The following KCNG2 variants were observed in gnomAD, a reference collection of about 807,000 sequenced individuals.
KCNG2 encodes the protein potassium voltage-gated channel modifier subfamily G member 2.
A neutral mutation model predicts 12.3 loss-of-function variants in KCNG2; 7 were observed. The observed-to-expected ratio is 0.57, with a 90% CI of 0.32 to 1.07. KCNG2 has a LOEUF of 1.07. Among genes scored for constraint, KCNG2 ranks in the 50% least tolerant of loss-of-function variants. The probability of loss-of-function intolerance (pLI) is 0.04; values close to 1 mark genes in which losing one functional copy is unlikely to be tolerated. For synonymous variants in KCNG2, 414 were observed against 351.4 expected (o/e 1.18, Z -1.99); for missense variants, 703 against 726.0 (o/e 0.97, Z 0.36).
intron 1 of KCNG2, among the ~76,000 whole-genome samples, chr18:79,802,941 G>A (rs2087422502): frequency 6.6e-6 from 1 of 152,238 alleles, no homozygotes. Context: ...CATTTTGGGA[G>A]GCTGAGGCGG....
intron 1 of KCNG2, among the ~76,000 whole-genome samples, chr18:79,811,116 G>A (rs1011666995): frequency 2.0e-5 from 3 of 152,184 alleles, no homozygotes; most frequent in East Asian, 1.9e-4. Flanking sequence ...CCATGTTCAC[G>A]GATAGGAAGA....
intron 3 of KCNG2, among the ~76,000 whole-genome samples, chr18:79,882,832 G>T (rs1599427640): frequency 6.6e-6 from 1 of 151,676 alleles, no homozygotes; most frequent in East Asian, 2.0e-4. Flanking sequence ...GCGGAGGCCG[G>T]GTACACCTGC....
At chr18:79,850,677 CCT>C (rs1460607812) in intron 1 of KCNG2, among the ~76,000 whole-genome samples, 1 of 152,216 alleles carries the variant, frequency 6.6e-6, no homozygotes, top group African/African-American at 2.4e-5. Flanking sequence ...TGCGTTTTGG[CCT>C]CTCTGCCTTT....
At chr18:79,799,608 C>T (rs565819696) in intron 1 of KCNG2, among the ~76,000 whole-genome samples, 8 of 152,316 alleles carry the variant, frequency 5.3e-5, no homozygotes, top group South Asian at 2.1e-4. Context: ...AAGGCCAGTG[C>T]CAGTTGTTAG....
chr18:79,869,206 T>C (rs1382072308), intron 3 of KCNG2, among the ~76,000 whole-genome samples: 1 of 152,136 alleles, frequency 6.6e-6, no homozygotes, highest in Non-Finnish European at 1.5e-5. Flanking sequence ...TTGCTTTCAG[T>C]GCCCGCCCCG....
intron 3 of KCNG2, among the ~76,000 whole-genome samples, chr18:79,876,957 CGAA>C (rs1270615934): frequency 2.6e-5 from 4 of 152,210 alleles, no homozygotes; most frequent in Non-Finnish European, 5.9e-5. Context: ...TCTCCAGACA[CGAA>C]GGCACAAAAC....
In KCNG2 at chr18:79,846,000, A is replaced by AAAAT. The variant is rs563674192; in HGVS notation, c.-114-10379_-114-10378insAAAT. Among the ~76,000 whole-genome samples the AAAAT allele has an allele frequency of 1.1e-4, 16 of 151,416 alleles. No homozygotes were observed. The South Asian group carries it at 3.3e-3, about 32-fold the overall frequency. On this transcript the variant is annotated intron_variant, in intron 1 of 3. Coordinates refer to ENST00000316249, the MANE Select transcript of KCNG2 (RefSeq NM_012283.2). ...CAGCTACTCGGGAGGCTGAGGCAGG[A>AAAAT]GAATGGCGTGAACCCAGGAGGTGGA...
rs372917213 is a variant in KCNG2, at chr18:79,899,006, T to G, written c.625-34T>G. 1.8e-4 allele frequency: 257 copies of G among 1,458,938 alleles called. 1 individual carries two copies. In the African/African-American group the frequency reaches 2.0e-3, roughly 11 times the overall value. 90.4% of individuals were successfully genotyped at this position (1,458,938 alleles called of 1,614,324 possible). On this transcript the variant is annotated intron_variant, in intron 3 of 3. Transcript: ENST00000316249. The stretch of plus-strand genomic sequence containing the variant: ...GGCGCCCCCGGCCCTCCAAGAGGCC[T>G]GCGCCCCCAACCCCGTGTCCCCTCT...
chr18:79,837,946 T>C (rs1292144838), intron 1 of KCNG2, among the ~76,000 whole-genome samples: 1 of 152,140 alleles, frequency 6.6e-6, no homozygotes, highest in African/African-American at 2.4e-5. Context: ...AGAAAAAAGG[T>C]TTAATTGACC....
chr18:79,871,818 C>A (rs967256589), intron 3 of KCNG2, among the ~76,000 whole-genome samples: 2 of 152,254 alleles, frequency 1.3e-5, no homozygotes, highest in Admixed American at 1.3e-4. Context: ...CTGAGCAAAG[C>A]TGCGGCTGCT....
chr18:79,838,858 A>G (rs1210810076), intron 1 of KCNG2, among the ~76,000 whole-genome samples: 1 of 152,268 alleles, frequency 6.6e-6, no homozygotes, highest in Non-Finnish European at 1.5e-5. Context: ...GTACAATCTC[A>G]GGTCCCACCT....
At chr18:79,854,089 A>C (rs200770967) in intron 1 of KCNG2, among the ~76,000 whole-genome samples, 2 of 152,248 alleles carry the variant, frequency 1.3e-5, no homozygotes, top group East Asian at 3.8e-4. Flanking sequence ...CACTGGCTGC[A>C]CCTACAACTG....
chr18:79,881,543 C>T (rs1980296845), intron 3 of KCNG2, among the ~76,000 whole-genome samples: 1 of 152,234 alleles, frequency 6.6e-6, no homozygotes, highest in Non-Finnish European at 1.5e-5. Context: ...AGTCTCACAG[C>T]CTAGGTCCAG....
chr18:79,821,378 C>T (rs2087569292), intron 1 of KCNG2, among the ~76,000 whole-genome samples: 1 of 151,008 alleles, frequency 6.6e-6, no homozygotes, highest in South Asian at 2.1e-4. Context: ...CAACATCTGC[C>T]TCCCAGGTTC....
At chr18:79,835,752 A>G (rs1193916270) in intron 1 of KCNG2, among the ~76,000 whole-genome samples, 1 of 152,216 alleles carries the variant, frequency 6.6e-6, no homozygotes, top group Non-Finnish European at 1.5e-5. Flanking sequence ...AGGGATGTGT[A>G]AGACTATTAT....
chr18:79,872,020 C>A (rs553635930), intron 3 of KCNG2, among the ~76,000 whole-genome samples: 2 of 151,178 alleles, frequency 1.3e-5, no homozygotes, highest in Non-Finnish European at 2.9e-5. Context: ...CCTGCACGTG[C>A]GGCCGGCCGC....
chr18:79,815,608 C>T (rs2087522781), intron 1 of KCNG2, among the ~76,000 whole-genome samples: 1 of 152,224 alleles, frequency 6.6e-6, no homozygotes, highest in Non-Finnish European at 1.5e-5. Flanking sequence ...CGCTCTAGAG[C>T]CCTGCGCCCA....
In KCNG2 at chr18:79,897,148, A is replaced by C. The variant is rs137946129; in HGVS notation, c.625-1892A>C. Among the ~76,000 whole-genome samples, 495 of 150,798 alleles carry C rather than the reference A, an allele frequency of 3.3e-3. 3 individuals are homozygous for C. Among genetic ancestry groups the C allele is most frequent in the South Asian group, 0.019 (89 of 4,790 alleles). ...AAAAATTGTTTTTTTTTTCAGCATTATCTCTCTGCATAGTTTTTCTTTTCC... is the reference window on the plus strand; with the variant it reads ...AAAAATTGTTTTTTTTTTCAGCATTCTCTCTCTGCATAGTTTTTCTTTTCC... On this transcript the variant is annotated intron_variant, in intron 3 of 3. Coordinates refer to ENST00000316249, the MANE Select transcript of KCNG2 (RefSeq NM_012283.2).
chr18:79,899,384 G>C lies in KCNG2; in HGVS notation c.969G>C (p.Gly323=), dbSNP rs78824236. The C allele has an allele frequency of 5.1e-4, 792 of 1,565,140 alleles. 4 individuals are homozygous for C. In the African/African-American group the frequency reaches 8.4e-3, roughly 17 times the overall value. ...LTMRRCAREF[G]LLLLFLCVAM... is the part of the protein sequence containing the mutation. The stretch of plus-strand genomic sequence containing the variant: ...TGCGCCGCTGCGCGCGCGAGTTCGG[G>C]CTGCTGCTGCTGTTCCTCTGCGTGG... Residue 323 remains glycine (G), a synonymous_variant, in exon 4 of 4, where the codon GGG becomes GGC. Transcript: ENST00000316249.
Sources: allele counts gnomAD v4.1 joint callset (sites outside exome capture counted in the v4.1 genomes callset), GRCh38; gene constraint gnomAD v4.1.1; transcripts MANE v1.5; gene names NCBI Gene and HGNC (gene_info 2026-07-23, HGNC 2026-07-21).